The following MCHR2 variants were observed in gnomAD, a reference collection of about 807,000 sequenced individuals.
MCHR2 encodes the protein melanin concentrating hormone receptor 2, also known as melanin-concentrating hormone receptor 2.
In MCHR2, 15 loss-of-function variants were observed where a neutral mutation model predicts 24.8. The ratio of observed to expected loss-of-function variants is 0.60; its 90% CI spans 0.40 to 0.93. The LOEUF is 0.93. MCHR2 is among the 40% of genes least tolerant of loss of function. The pLI, the probability that MCHR2 is intolerant of heterozygous loss-of-function variation, is 0.00. For synonymous variants in MCHR2, 151 were observed against 147.6 expected, an observed-to-expected ratio of 1.02 and a Z score of -0.17; for missense variants, 386 against 408.7, an observed-to-expected ratio of 0.94 and a Z score of 0.48.
chr6:99,977,554 A>G (rs2114581397), intron 1 of MCHR2, among the ~76,000 whole-genome samples: 1 of 152,296 alleles, frequency 6.6e-6, no homozygotes, highest in Non-Finnish European at 1.5e-5. Context: ...AAGAAAAAAA[A>G]GTCATATTTA....
intron 1 of MCHR2, among the ~76,000 whole-genome samples, chr6:99,969,443 C>A (rs1290001228): frequency 5.1e-5 from 6 of 118,490 alleles, no homozygotes; most frequent in Non-Finnish European, 9.6e-5. Context: ...CATTGCACTC[C>A]AGCTGGGTGA....
intron 1 of MCHR2, among the ~76,000 whole-genome samples, chr6:99,986,982 T>A (rs1165062644): frequency 1.3e-5 from 2 of 151,994 alleles, no homozygotes; most frequent in East Asian, 3.8e-4. Context: ...GCTTTTTTCT[T>A]CTGGCCCTCC....
intron 5 of MCHR2, among the ~76,000 whole-genome samples, chr6:99,926,709 T>C (rs551898539): frequency 7.9e-5 from 12 of 152,356 alleles, no homozygotes; most frequent in African/African-American, 2.9e-4. Flanking sequence ...TAAATCTGTT[T>C]GAGTTCATTG....
Position 99,956,022 on chromosome 6 carries a change from C to A in MCHR2, c.126G>T (p.Gly42=). 1.2e-6 allele frequency: 2 copies of A among 1,612,768 alleles called. No individual in the cohort carries two copies. The highest frequency in any genetic ancestry group is 1.7e-6 in the Non-Finnish European group (2 of 1,179,428). Residue 42 remains glycine, a synonymous_variant, in exon 2 of 6, where the codon GGG becomes GGT. Transcript: ENST00000281806. ...VDTVILPSMI[G]IICSTGLVGN... is the part of the protein sequence containing the mutation. ...CAACCAGCCCTGTTGAACAGATAATCCCAATCATGGAAGGGAGGATGACTG... is the reference window on the plus strand; with the variant it reads ...CAACCAGCCCTGTTGAACAGATAATACCAATCATGGAAGGGAGGATGACTG...
chr6:99,970,054 T>C (rs1430641249), intron 1 of MCHR2, among the ~76,000 whole-genome samples: 5 of 149,644 alleles, frequency 3.3e-5, no homozygotes, highest in Non-Finnish European at 7.4e-5. Context: ...GCATGATTTA[T>C]AATCCTTTGG....
At position 99,919,361 on chromosome 6, in the gene MCHR2, A is replaced by G. The variant is rs1351263339; in HGVS notation, c.*1579T>C. ...AAATCACGTCTGGGTTGATTCAAAT[A>G]CAAGTTTATCCAAACACAATTGAAA... On this transcript the variant is annotated 3_prime_UTR_variant, in exon 6 of 6. Transcript: ENST00000281806. 2.0e-5 allele frequency among the ~76,000 whole-genome samples: 3 copies of G among 152,218 alleles called. No homozygotes were observed. The highest frequency in any genetic ancestry group is 7.2e-5 in the African/African-American group (3 of 41,456).
chr6:99,972,163 A>G (rs1346656334), intron 1 of MCHR2, among the ~76,000 whole-genome samples: 1 of 152,216 alleles, frequency 6.6e-6, no homozygotes, highest in Non-Finnish European at 1.5e-5. Flanking sequence ...TACCTCTGGT[A>G]GAATTCAGCT....
In MCHR2 at chr6:99,919,391, A is replaced by G. The variant is rs1343107805; in HGVS notation, c.*1549T>C. Among the ~76,000 whole-genome samples the G allele has an allele frequency of 6.6e-6, 1 of 152,224 alleles. No homozygotes were observed. Among genetic ancestry groups the G allele is most frequent in the Non-Finnish European group, 1.5e-5 (1 of 68,036 alleles). ...TTTATCCAAACACAATTGAAATATA[A>G]AAATGGAGATCAGATATAAAAATGG... On this transcript the variant is annotated 3_prime_UTR_variant, in exon 6 of 6. Transcript: ENST00000281806.
intron 5 of MCHR2, among the ~76,000 whole-genome samples, chr6:99,932,143 G>A (rs1163570696): frequency 6.6e-6 from 1 of 152,076 alleles, no homozygotes; most frequent in South Asian, 2.1e-4. Context: ...TACTATTCTA[G>A]GGTATAAGTT....
intron 1 of MCHR2, among the ~76,000 whole-genome samples, chr6:99,973,385 C>T (rs1370127111): frequency 2.0e-5 from 3 of 151,868 alleles, no homozygotes; most frequent in Non-Finnish European, 2.9e-5. Flanking sequence ...AGGATTGCAA[C>T]CTCTGCCTTT....
intron 1 of MCHR2, among the ~76,000 whole-genome samples, chr6:99,989,348 T>C (rs1048574657): frequency 1.3e-5 from 2 of 152,218 alleles, no homozygotes; most frequent in African/African-American, 2.4e-5. Context: ...ATTTATAGAA[T>C]GTTTGTAATG....
At chr6:99,929,098 C>T (rs1275385082) in intron 5 of MCHR2, among the ~76,000 whole-genome samples, 3 of 152,110 alleles carry the variant, frequency 2.0e-5, no homozygotes, top group South Asian at 4.2e-4. Context: ...GTTATATACC[C>T]AGTAGTCATT....
intron 1 of MCHR2, among the ~76,000 whole-genome samples, chr6:99,993,407 G>T (rs999669882): frequency 6.6e-6 from 1 of 152,184 alleles, no homozygotes; most frequent in Non-Finnish European, 1.5e-5. Flanking sequence ...GGGAATGGGG[G>T]CTTCACAGAA....
chr6:99,972,491 G>A lies in MCHR2; in HGVS notation c.-27-16317C>T, dbSNP rs1022960087. Among the ~76,000 whole-genome samples the A allele has an allele frequency of 2.0e-5, 3 of 152,050 alleles. No homozygotes were observed. In the East Asian group the frequency reaches 5.8e-4, roughly 29 times the overall value. On this transcript the variant is annotated intron_variant, in intron 1 of 5. Transcript: ENST00000281806. ...GTCTTGCTAGCAGTCTATCAATTTTGTTGATCCTTTCAAAAAACCAGCTCC... is the reference window on the plus strand; with the variant it reads ...GTCTTGCTAGCAGTCTATCAATTTTATTGATCCTTTCAAAAAACCAGCTCC...
intron 5 of MCHR2, among the ~76,000 whole-genome samples, chr6:99,930,391 G>A (rs11155160): frequency 0.4 from 60,704 of 151,900 alleles, 12,829 homozygotes; most frequent in East Asian, 0.76. Flanking sequence ...GGCCTCCCTC[G>A]CTAGATTGGG....
Position 99,919,373 on chromosome 6 carries a change from A to T in MCHR2, c.*1567T>A, listed in dbSNP as rs1247177712. Among the ~76,000 whole-genome samples, 2 of 152,244 alleles carry T rather than the reference A, an allele frequency of 1.3e-5. No individual in the cohort carries two copies. The highest frequency in any genetic ancestry group is 2.9e-5 in the Non-Finnish European group (2 of 68,044). On this transcript the variant is annotated 3_prime_UTR_variant, in exon 6 of 6. Transcript: ENST00000281806. ...GGTTGATTCAAATACAAGTTTATCC[A>T]AACACAATTGAAATATAAAAATGGA...
At chr6:99,950,959 C>A (rs147423914) in intron 2 of MCHR2, among the ~76,000 whole-genome samples, 1,858 of 152,196 alleles carry the variant, frequency 0.012, 45 homozygotes, top group African/African-American at 0.043. Context: ...TTAGGTTTAG[C>A]CAGTCAGAAG....
At chr6:99,977,049 T>C (rs2114580692) in intron 1 of MCHR2, among the ~76,000 whole-genome samples, 1 of 152,318 alleles carries the variant, frequency 6.6e-6, no homozygotes. Context: ...ATTTTAGTGA[T>C]TTTGGTTTGG....
intron 1 of MCHR2, among the ~76,000 whole-genome samples, chr6:99,989,272 C>G (rs1775823353): frequency 6.6e-6 from 1 of 151,944 alleles, no homozygotes; most frequent in African/African-American, 2.4e-5. Flanking sequence ...AAAATTATTG[C>G]CTAGATTTTC....
Sources: gnomAD v4.1 joint callset for allele counts (sites outside exome capture counted in the v4.1 genomes callset) on GRCh38, gnomAD v4.1.1 for gene constraint, MANE v1.5 for transcripts, NCBI Gene and HGNC (gene_info 2026-07-23, HGNC 2026-07-21) for gene names.